Variants in PRKAR2B observed in about 807,000 individuals in gnomAD.
PRKAR2B encodes protein kinase cAMP-dependent type II regulatory subunit beta, also known as cAMP-dependent protein kinase type II-beta regulatory subunit.
In PRKAR2B, 14 loss-of-function variants were observed where a neutral mutation model predicts 49.9. The ratio of observed to expected loss-of-function variants is 0.28; its 90% confidence interval spans 0.19 to 0.44. The LOEUF is 0.44. PRKAR2B is among the 20% of genes least tolerant of loss of function. PRKAR2B has a pLI of 1.00. For synonymous variants in PRKAR2B, 196 were observed against 197.7 expected, an observed-to-expected ratio of 0.99 and a Z score of 0.07; for missense variants, 393 against 537.9, an observed-to-expected ratio of 0.73 and a Z score of 2.67.
intron 1 of PRKAR2B, among the ~76,000 whole-genome samples, chr7:107,062,900 CAA>C: frequency 6.6e-6 from 1 of 151,942 alleles, no homozygotes; most frequent in East Asian, 1.9e-4. Context: ...GAAAAAAAGC[CAA>C]AGACTAGTCA....
chr7:107,072,679 A>G (rs1794303530), intron 2 of PRKAR2B, among the ~76,000 whole-genome samples: 4 of 152,144 alleles, frequency 2.6e-5, no homozygotes, highest in Admixed American at 1.3e-4. Context: ...TAGTGCTAAC[A>G]TGAAGTTTAG....
rs187444970 is a variant in PRKAR2B, at chr7:107,104,568, G to A, written c.344-17384G>A. 5.9e-5 allele frequency among the ~76,000 whole-genome samples: 9 copies of A among 152,124 alleles called. No homozygotes were observed. In the South Asian group the frequency reaches 1.7e-3, roughly 28 times the overall value. On this transcript the variant is annotated intron_variant, in intron 2 of 10. Coordinates refer to ENST00000265717, the MANE Select transcript of PRKAR2B (RefSeq NM_002736.3). ...TTTTTTCAGAGTCCTCCCTAGTAAC[G>A]CTGAAAATTAATATGGTCATTCACA...
intron 2 of PRKAR2B, among the ~76,000 whole-genome samples, chr7:107,072,855 A>G (rs937175257): frequency 6.6e-6 from 1 of 152,218 alleles, no homozygotes; most frequent in South Asian, 2.1e-4. Flanking sequence ...TTCATAACCC[A>G]TAAAACTTTA....
At chr7:107,051,949 G>A (rs1170322127) in intron 1 of PRKAR2B, among the ~76,000 whole-genome samples, 2 of 152,150 alleles carry the variant, frequency 1.3e-5, no homozygotes, top group Non-Finnish European at 2.9e-5. Context: ...GTCCATGGGA[G>A]TGATGTTGAG....
chr7:107,138,486 T>G (rs1468477597), intron 4 of PRKAR2B, among the ~76,000 whole-genome samples: 1 of 152,106 alleles, frequency 6.6e-6, no homozygotes, highest in Non-Finnish European at 1.5e-5. Context: ...CAGTCATGGC[T>G]CACTGCAGCC....
At chr7:107,116,691 A>G (rs1243895909) in intron 2 of PRKAR2B, among the ~76,000 whole-genome samples, 1 of 151,868 alleles carries the variant, frequency 6.6e-6, no homozygotes, top group African/African-American at 2.4e-5. Context: ...GAACTTCTAT[A>G]TTTTGGGCAT....
chr7:107,066,575 T>C (rs1794151846), intron 1 of PRKAR2B: 1 of 152,088 alleles, frequency 6.6e-6, no homozygotes, highest in African/African-American at 2.4e-5. Context: ...TGTTTAGGTT[T>C]TTTTTGTTTT....
intron 2 of PRKAR2B, among the ~76,000 whole-genome samples, chr7:107,116,933 GTATA>G (rs1218388284): frequency 6.8e-6 from 1 of 147,260 alleles, no homozygotes; most frequent in Non-Finnish European, 1.5e-5. Flanking sequence ...ATGTATGTGT[GTATA>G]TATATGTGTG....
At chr7:107,050,701 G>A (rs1000840918) in intron 1 of PRKAR2B, among the ~76,000 whole-genome samples, 5 of 152,126 alleles carry the variant, frequency 3.3e-5, no homozygotes, top group Non-Finnish European at 7.4e-5. Context: ...ACTAACTGCA[G>A]GGTCTACTTT....
At chr7:107,071,092 G>A (rs1264524529) in intron 2 of PRKAR2B, among the ~76,000 whole-genome samples, 1 of 152,132 alleles carries the variant, frequency 6.6e-6, no homozygotes, top group African/African-American at 2.4e-5. Context: ...TCACCATATG[G>A]CTTATCTTCT....
At chr7:107,045,648 G>A (rs1445529742) in intron 1 of PRKAR2B, among the ~76,000 whole-genome samples, 2 of 152,220 alleles carry the variant, frequency 1.3e-5, no homozygotes, top group Admixed American at 6.5e-5. Flanking sequence ...GAGAAAAGGA[G>A]AACCGTGTTT....
At chr7:107,154,777 C>G (rs1310503604) in intron 8 of PRKAR2B, among the ~76,000 whole-genome samples, 2 of 152,158 alleles carry the variant, frequency 1.3e-5, no homozygotes, top group African/African-American at 4.8e-5. Flanking sequence ...TTAATTCAGA[C>G]TGCATCATTG....
At chr7:107,109,172 G>A (rs1795128821) in intron 2 of PRKAR2B, among the ~76,000 whole-genome samples, 1 of 152,180 alleles carries the variant, frequency 6.6e-6, no homozygotes, top group South Asian at 2.1e-4. Context: ...TGGTGCTGGT[G>A]GGAATGTCTT....
chr7:107,067,690 C>T (rs552395862), intron 1 of PRKAR2B, among the ~76,000 whole-genome samples: 2 of 152,252 alleles, frequency 1.3e-5, no homozygotes, highest in Admixed American at 6.5e-5. Context: ...AAGCTGCAAA[C>T]GGAGTCTGAT....
intron 2 of PRKAR2B, among the ~76,000 whole-genome samples, chr7:107,083,502 A>AGTTTTCTTATT (rs1216099512): frequency 1.3e-5 from 2 of 152,046 alleles, no homozygotes; most frequent in Non-Finnish European, 2.9e-5. Context: ...ATTTGAAGGG[A>AGTTTTCTTATT]GTTTTCTTAT....
At chr7:107,090,310 A>AAAAT (rs1794713012) in intron 2 of PRKAR2B, among the ~76,000 whole-genome samples, 1 of 152,166 alleles carries the variant, frequency 6.6e-6, no homozygotes, top group Non-Finnish European at 1.5e-5. Flanking sequence ...TCGCCACTGC[A>AAAAT]GTTCCACATT....
At chr7:107,152,220 T>C (rs1053021864) in intron 7 of PRKAR2B, among the ~76,000 whole-genome samples, 1 of 152,170 alleles carries the variant, frequency 6.6e-6, no homozygotes, top group Non-Finnish European at 1.5e-5. Flanking sequence ...TTTAAGCTCC[T>C]CCTCACATGG....
chr7:107,050,781 G>A (rs922351349), intron 1 of PRKAR2B, among the ~76,000 whole-genome samples: 2 of 152,162 alleles, frequency 1.3e-5, no homozygotes, highest in African/African-American at 4.8e-5. Flanking sequence ...GTGAAACTTG[G>A]AAGGTAGGAT....
At chr7:107,100,522 TA>T (rs1367731496) in intron 2 of PRKAR2B, among the ~76,000 whole-genome samples, 2 of 152,382 alleles carry the variant, frequency 1.3e-5, no homozygotes, top group South Asian at 2.1e-4. Flanking sequence ...TTCTAGAATC[TA>T]CATAAATGTT....
Sources: allele counts gnomAD v4.1 joint callset (sites outside exome capture counted in the v4.1 genomes callset), GRCh38; gene constraint gnomAD v4.1.1; transcripts MANE v1.5; gene names NCBI Gene and HGNC (gene_info 2026-07-23, HGNC 2026-07-21).